RWDD4: variants seen among roughly 807,000 people sequenced by gnomAD.
The protein encoded by RWDD4 is RWD domain containing 4.
Under a neutral mutation model 30.0 loss-of-function variants are expected in RWDD4, and 16 were observed. The observed-to-expected ratio is 0.53, with a 90% CI of 0.36 to 0.81. The LOEUF is 0.81. RWDD4 is among the 30% of genes least tolerant of loss of function. The pLI is 0.00. For missense variants in RWDD4, 170 were observed against 223.9 expected, an observed-to-expected ratio of 0.76 and a Z score of 1.54; for synonymous variants, 45 against 72.1, an observed-to-expected ratio of 0.62 and a Z score of 1.90.
chr4:183,659,174 G>T lies in RWDD4; in HGVS notation c.-222C>A. On this transcript the variant is annotated 5_prime_UTR_variant, in exon 1 of 8. Coordinates refer to ENST00000326397, the MANE Select transcript of RWDD4 (RefSeq NM_152682.4). Reference sequence around the variant, plus strand: ...TACGAGCCGGAGCCGCGGCTGGTGGGGCCTGGGAAGTGCAGCGTCTCCCTG... The same window carrying T: ...TACGAGCCGGAGCCGCGGCTGGTGGTGCCTGGGAAGTGCAGCGTCTCCCTG... 5.0e-6 allele frequency: 2 copies of T among 396,386 alleles called. No homozygotes were observed. The highest frequency in any genetic ancestry group is 4.4e-6 in the Non-Finnish European group (1 of 225,874). 24.6% of individuals were successfully genotyped at this position (396,386 alleles called of 1,614,324 possible).
At chr4:183,642,274 C>T (rs1733872514) in intron 7 of RWDD4, among the ~76,000 whole-genome samples, 1 of 89,232 alleles carries the variant, frequency 1.1e-5, no homozygotes, top group Admixed American at 9.5e-5. Flanking sequence ...ACTGCAAGCT[C>T]CGCCTCCCGG....
At chr4:183,643,829 A>T (rs1733916271) in intron 7 of RWDD4, among the ~76,000 whole-genome samples, 1 of 152,148 alleles carries the variant, frequency 6.6e-6, no homozygotes, top group Non-Finnish European at 1.5e-5. Flanking sequence ...GAGGCAGGAG[A>T]ATCACTTGAA....
rs1191618201 is a variant in RWDD4, at chr4:183,648,491, T to C, written c.481+960A>G. Among the ~76,000 whole-genome samples the C allele has an allele frequency of 4.5e-5, 4 of 89,746 alleles. No homozygotes were observed. The East Asian group carries it at 1.0e-3, about 22-fold the overall frequency. 58.9% of individuals were successfully genotyped at this position (89,746 alleles called of 152,430 possible). On this transcript the variant is annotated intron_variant, in intron 5 of 7. Transcript: ENST00000326397. ...TATTATTGTTGATATGAGCTAGAGT[T>C]TATTATCTTCTTCTAAAGAACTCTT...
chr4:183,655,382 C>T lies in RWDD4; in HGVS notation c.105+499G>A, dbSNP rs917910033. Among the ~76,000 whole-genome samples, 8 of 150,796 alleles carry T rather than the reference C, an allele frequency of 5.3e-5. No individual in the cohort carries two copies. The East Asian group carries it at 1.2e-3, about 22-fold the overall frequency. On this transcript the variant is annotated intron_variant, in intron 2 of 7. Coordinates refer to ENST00000326397, the MANE Select transcript of RWDD4 (RefSeq NM_152682.4). ...CTGCAAGCTCTGCCTCCCGGGTTCA[C>T]GCCATTCTCCTGCCTCAGCCTCCCG...
Position 183,645,056 on chromosome 4 carries a change from C to T in RWDD4, c.534+1295G>A, listed in dbSNP as rs146804770. Reference sequence around the variant, plus strand: ...TCAAGGCTACAGTGAGCCATGTTCACGCCACTGCACTCCAGCTTGGGCAAC... The same window carrying T: ...TCAAGGCTACAGTGAGCCATGTTCATGCCACTGCACTCCAGCTTGGGCAAC... On this transcript the variant is annotated intron_variant, in intron 7 of 7. Transcript: ENST00000326397. Among the ~76,000 whole-genome samples the T allele has an allele frequency of 1.4e-3, 207 of 152,242 alleles. 1 individual carries two copies. The highest frequency in any genetic ancestry group is 1.8e-3 in the Non-Finnish European group (124 of 68,026).
Position 183,659,003 on chromosome 4 carries a change from G to T in RWDD4, c.-51C>A, listed in dbSNP as rs552584417. The T allele has an allele frequency of 1.4e-5, 18 of 1,251,002 alleles. No homozygotes were observed. The Admixed American group carries it at 3.3e-4, about 23-fold the overall frequency. The allele number at this position is 1,251,002 out of a possible 1,614,324, so 77.5% of individuals were successfully genotyped here. Reference sequence around the variant, plus strand: ...AGCGGACGGCGTTCGCAACAACGAAGAGAAAGCGAAGGCAGCGGCCCAGAG... The same window carrying T: ...AGCGGACGGCGTTCGCAACAACGAATAGAAAGCGAAGGCAGCGGCCCAGAG... On this transcript the variant is annotated 5_prime_UTR_variant, in exon 1 of 8. Coordinates refer to ENST00000326397, the MANE Select transcript of RWDD4 (RefSeq NM_152682.4).
chr4:183,658,729 G>GT (rs1283322601), intron 1 of RWDD4, among the ~76,000 whole-genome samples, 200 bp downstream of exon 1: 4 of 152,236 alleles, frequency 2.6e-5, no homozygotes, highest in African/African-American at 4.8e-5. Context: ...AATGAAAAAT[G>GT]AGGGGGGAAG....
intron 5 of RWDD4, among the ~76,000 whole-genome samples, chr4:183,646,815 G>T (rs1733974214): frequency 6.6e-6 from 1 of 152,180 alleles, no homozygotes; most frequent in Admixed American, 6.5e-5. Context: ...GTAATGCCAG[G>T]AAAAGCAGTT....
rs1429129428 is a variant in RWDD4 at position 183,651,201 on chromosome 4, A to G, written c.215+17T>C. On this transcript the variant is annotated intron_variant, in intron 3 of 7. Transcript: ENST00000326397. ...AGAGAGTGAAATGAAAAGCAGTAAA[A>G]ACAAGACACTACTCACATGGTGTTG... 1 of 1,613,694 alleles carries G rather than the reference A, an allele frequency of 6.2e-7. No homozygotes were observed. Among genetic ancestry groups the G allele is most frequent in the Admixed American group, 1.7e-5 (1 of 60,012 alleles).
At chr4:183,658,876 G>A (rs1198506770) in intron 1 of RWDD4, 53 bp downstream of exon 1, 6 of 1,229,274 alleles carry the variant, frequency 4.9e-6, no homozygotes, top group Admixed American at 8.4e-5. Flanking sequence ...ACGGGGGCCC[G>A]GGGCTGCGCG....
chr4:183,652,542 T>C (rs1170179166), intron 2 of RWDD4, among the ~76,000 whole-genome samples: 2 of 151,734 alleles, frequency 1.3e-5, no homozygotes, highest in African/African-American at 4.8e-5. Context: ...CTGGACACAG[T>C]GGCTCATGTC....
chr4:183,652,648 A>G (rs1477598386), intron 2 of RWDD4, among the ~76,000 whole-genome samples: 1 of 152,034 alleles, frequency 6.6e-6, no homozygotes, highest in Non-Finnish European at 1.5e-5. Context: ...CATCTCTGCT[A>G]AAAATACAAA....
At chr4:183,642,542 T>C (rs1413650691) in intron 7 of RWDD4, among the ~76,000 whole-genome samples, 3 of 152,106 alleles carry the variant, frequency 2.0e-5, no homozygotes, top group East Asian at 3.9e-4. Flanking sequence ...CTCACAAATA[T>C]GCTTCAACAG....
At chr4:183,651,412 T>C in intron 2 of RWDD4, 85 bp from the exon 3 acceptor site, 1 of 973,708 alleles carries the variant, frequency 1.0e-6, no homozygotes, top group South Asian at 1.4e-5. Flanking sequence ...GGTGAATTCT[T>C]TCCAATACTC....
chr4:183,658,701 G>A (rs1734278325), intron 1 of RWDD4, among the ~76,000 whole-genome samples: 1 of 152,250 alleles, frequency 6.6e-6, no homozygotes, highest in African/African-American at 2.4e-5. Context: ...AACCAGGGGA[G>A]ACTCCCGGAT....
At chr4:183,642,852 A>G (rs1378681675) in intron 7 of RWDD4, among the ~76,000 whole-genome samples, 1 of 149,188 alleles carries the variant, frequency 6.7e-6, no homozygotes, top group South Asian at 2.1e-4. Flanking sequence ...AGGTCAGGAG[A>G]TTGAGACCAT....
chr4:183,658,252 C>T (rs982112590), intron 1 of RWDD4, among the ~76,000 whole-genome samples: 2 of 152,150 alleles, frequency 1.3e-5, no homozygotes, highest in African/African-American at 4.8e-5. Context: ...CCGATTCTAC[C>T]ACGTACTTAC....
chr4:183,655,535 T>C lies in RWDD4; in HGVS notation c.105+346A>G, dbSNP rs145256133. On this transcript the variant is annotated intron_variant, in intron 2 of 7. Transcript: ENST00000326397. ...TCCTGACCTCGTGATCCGCCCACCT[T>C]GGCCTCCCAAAGTGCTGGGATTACA... 5.1e-4 allele frequency among the ~76,000 whole-genome samples: 78 copies of C among 152,106 alleles called. No individual in the cohort carries two copies. In the East Asian group the frequency reaches 6.8e-3, roughly 13 times the overall value.
chr4:183,656,475 G>A (rs1293280416), intron 1 of RWDD4, among the ~76,000 whole-genome samples: 1 of 152,160 alleles, frequency 6.6e-6, no homozygotes, highest in East Asian at 1.9e-4. Context: ...GAAAAAGGCT[G>A]ACAAGTATCT....
Sources: gnomAD v4.1 joint callset for allele counts (sites outside exome capture counted in the v4.1 genomes callset) on GRCh38, gnomAD v4.1.1 for gene constraint, MANE v1.5 for transcripts, NCBI Gene and HGNC (gene_info 2026-07-23, HGNC 2026-07-21) for gene names.